Variants in TTC39B observed in about 807,000 individuals in gnomAD.
TTC39B encodes tetratricopeptide repeat domain 39B, also known as tetratricopeptide repeat protein 39B.
Under a neutral mutation model 96.6 loss-of-function variants are expected in TTC39B, and 92 were observed. That is an observed-to-expected ratio of 0.95 (90% CI 0.80 to 1.13). The LOEUF is 1.13. TTC39B is among the 50% of genes most tolerant of loss of function. The pLI is 0.00. For missense variants in TTC39B, 955 were observed against 809.3 expected, an observed-to-expected ratio of 1.18 and a Z score of -2.18; for synonymous variants, 367 against 299.4, an observed-to-expected ratio of 1.23 and a Z score of -2.33.
intron 15 of TTC39B, among the ~76,000 whole-genome samples, chr9:15,185,884 T>C (rs528541210): frequency 6.6e-6 from 1 of 152,292 alleles, no homozygotes; most frequent in South Asian, 2.1e-4. Context: ...ATAATATGGC[T>C]CAAAAGACAG....
intron 6 of TTC39B, among the ~76,000 whole-genome samples, chr9:15,206,773 G>A (rs1819883791): frequency 1.3e-5 from 2 of 152,010 alleles, no homozygotes; most frequent in African/African-American, 4.8e-5. Flanking sequence ...GTAGAGACAG[G>A]TTCTTGCTCT....
chr9:15,260,289 TTCC>T (rs1822898370), intron 2 of TTC39B, among the ~76,000 whole-genome samples: 1 of 151,090 alleles, frequency 6.6e-6, no homozygotes, highest in African/African-American at 2.5e-5. Context: ...TTTTTTTTTT[TTCC>T]TTCCTTAGGA....
At chr9:15,183,458 TA>T (rs1818351598) in intron 16 of TTC39B, 1 of 267,604 alleles carries the variant, frequency 3.7e-6, no homozygotes, top group Admixed American at 6.3e-5. Context: ...GTAAAATTCC[TA>T]GGTACAAAAA....
intron 2 of TTC39B, among the ~76,000 whole-genome samples, chr9:15,255,092 G>T (rs1256177863): frequency 6.6e-6 from 1 of 151,726 alleles, no homozygotes; most frequent in Non-Finnish European, 1.5e-5. Flanking sequence ...AATTTTAAAA[G>T]ACCGCTGCTG....
intron 19 of TTC39B, among the ~76,000 whole-genome samples, chr9:15,173,935 T>C (rs970780300): frequency 2.0e-5 from 3 of 152,176 alleles, no homozygotes; most frequent in African/African-American, 7.2e-5. Context: ...AGCATCATCA[T>C]TGACCCAGTG....
chr9:15,279,336 T>A (rs923769667), intron 1 of TTC39B, among the ~76,000 whole-genome samples: 2 of 152,214 alleles, frequency 1.3e-5, no homozygotes, highest in African/African-American at 4.8e-5. Flanking sequence ...CACAGAACCT[T>A]ATCCACTCAA....
chr9:15,203,023 G>A (rs571732249), intron 7 of TTC39B, among the ~76,000 whole-genome samples: 1 of 152,224 alleles, frequency 6.6e-6, no homozygotes, highest in South Asian at 2.1e-4. Context: ...AAAGAAAGGA[G>A]AATGAGAATA....
At chr9:15,167,968 G>A (rs1363055349) in exon 20 of TTC39B, 2 of 152,170 alleles carry the variant, frequency 1.3e-5, no homozygotes, top group Admixed American at 6.5e-5. Context: ...ACCATCTGCA[G>A]ATAAACACGA....
At chr9:15,218,574 C>A (rs943513834) in intron 3 of TTC39B, among the ~76,000 whole-genome samples, 25 of 145,152 alleles carry the variant, frequency 1.7e-4, no homozygotes, top group Non-Finnish European at 4.5e-5. Flanking sequence ...GACGACTCCT[C>A]ATGTTTCTAA....
At chr9:15,194,453 G>A (rs547960037) in intron 8 of TTC39B, among the ~76,000 whole-genome samples, 27 of 152,206 alleles carry the variant, frequency 1.8e-4, no homozygotes, top group South Asian at 1.5e-3. Context: ...AAGTATGTGC[G>A]TGTGTGTGTA....
intron 1 of TTC39B, among the ~76,000 whole-genome samples, chr9:15,271,574 C>A (rs1823354874): frequency 6.6e-6 from 1 of 152,118 alleles, no homozygotes; most frequent in Admixed American, 6.5e-5. Flanking sequence ...CTGAGACTCT[C>A]ACGCCACCGC....
At chr9:15,292,397 C>G (rs1431604354) in intron 1 of TTC39B, among the ~76,000 whole-genome samples, 1 of 152,146 alleles carries the variant, frequency 6.6e-6, no homozygotes, top group African/African-American at 2.4e-5. Context: ...ACTGCACCAA[C>G]AGTTATATAA....
chr9:15,177,283 T>C (rs140285680), intron 18 of TTC39B, among the ~76,000 whole-genome samples: 1 of 152,082 alleles, frequency 6.6e-6, no homozygotes, highest in Non-Finnish European at 1.5e-5. Context: ...CAGTGAGCCA[T>C]GATTGTACTA....
At chr9:15,296,083 T>G (rs1205369048) in intron 1 of TTC39B, among the ~76,000 whole-genome samples, 1 of 152,172 alleles carries the variant, frequency 6.6e-6, no homozygotes, top group Non-Finnish European at 1.5e-5. Context: ...CTGTGACTCA[T>G]GGTTGTCCAG....
chr9:15,189,705 C>T lies in TTC39B; in HGVS notation c.1173+20G>A, dbSNP rs1206647816. On this transcript the variant is annotated intron_variant, in intron 12 of 19. Coordinates refer to ENST00000512701, the Ensembl canonical transcript of TTC39B. ...TGATTAATTATGGTTGAAACATACACTTTGAAATACTGAGCGTACATTTGG... is the reference window on the plus strand; with the variant it reads ...TGATTAATTATGGTTGAAACATACATTTTGAAATACTGAGCGTACATTTGG... 6.2e-7 allele frequency: 1 copy of T among 1,614,066 alleles called. No homozygotes were observed. Among genetic ancestry groups the T allele is most frequent in the African/African-American group, 1.3e-5 (1 of 75,046 alleles).
chr9:15,192,941 T>G (rs1818943402), intron 8 of TTC39B, among the ~76,000 whole-genome samples: 2 of 152,168 alleles, frequency 1.3e-5, no homozygotes, highest in Non-Finnish European at 2.9e-5. Flanking sequence ...AAGAGAGGGT[T>G]CATCCATTGG....
chr9:15,168,400 A>G (rs1276363274), exon 20 of TTC39B: 1 of 136,480 alleles, frequency 7.3e-6, no homozygotes, highest in Non-Finnish European at 1.5e-5. Flanking sequence ...AAGATTTCTA[A>G]ATATGCAGAG....
chr9:15,165,510 T>C (rs775192695), exon 20 of TTC39B: 3 of 152,256 alleles, frequency 2.0e-5, no homozygotes, highest in Non-Finnish European at 2.9e-5. Context: ...TATTAGTCCA[T>C]TCTCACACTG....
chr9:15,301,494 C>G (rs777254805), intron 1 of TTC39B, among the ~76,000 whole-genome samples: 1 of 152,188 alleles, frequency 6.6e-6, no homozygotes, highest in African/African-American at 2.4e-5. Context: ...GTGGCTCACG[C>G]CTATAATCCC....
Sources: gnomAD v4.1 joint callset for allele counts (sites outside exome capture counted in the v4.1 genomes callset) on GRCh38, gnomAD v4.1.1 for gene constraint, MANE v1.5 for transcripts, NCBI Gene and HGNC (gene_info 2026-07-23, HGNC 2026-07-21) for gene names.